CLMP: variants seen among roughly 807,000 people sequenced by gnomAD.
The protein encoded by CLMP is CXADR like cell adhesion molecule.
In CLMP, 27 loss-of-function variants were observed where a neutral mutation model predicts 45.2. That is an observed-to-expected ratio of 0.60 (90% CI 0.44 to 0.82). The LOEUF (loss-of-function observed/expected upper bound fraction) is 0.82. CLMP is among the 40% of genes least tolerant of loss of function. The pLI is 0.00. For missense variants in CLMP, 403 were observed against 448.4 expected, an observed-to-expected ratio of 0.90 and a Z score of 0.91; for synonymous variants, 167 against 171.4, an observed-to-expected ratio of 0.97 and a Z score of 0.20.
At chr11:123,139,506 A>G (rs11601147) in intron 1 of CLMP, among the ~76,000 whole-genome samples, 87,100 of 151,968 alleles carry the variant, frequency 0.57, 26,201 homozygotes, top group African/African-American at 0.76. Context: ...TCTAAGCTTC[A>G]GTGGTAACAT....
In CLMP at chr11:123,147,686, G is replaced by T. The variant is rs1297431699; in HGVS notation, c.28+47227C>A. ...AGAATGTCAGTGCCTGCAGGGTCAG[G>T]ACCATGTCCTTGACTGCATCTTCAG... On this transcript the variant is annotated intron_variant, in intron 1 of 6. Transcript: ENST00000448775. 2.0e-5 allele frequency among the ~76,000 whole-genome samples: 3 copies of T among 152,356 alleles called. No individual in the cohort carries two copies. In the South Asian group the frequency reaches 6.2e-4, roughly 32 times the overall value.
chr11:123,136,974 T>C (rs578259826), intron 1 of CLMP, among the ~76,000 whole-genome samples: 20 of 151,978 alleles, frequency 1.3e-4, no homozygotes, highest in Non-Finnish European at 2.4e-4. Flanking sequence ...GCTGCCAACA[T>C]AGGTAAACAA....
At chr11:123,090,778 T>C (rs1462985618) in intron 2 of CLMP, among the ~76,000 whole-genome samples, 3 of 152,144 alleles carry the variant, frequency 2.0e-5, no homozygotes, top group Admixed American at 6.6e-5. Context: ...CATGGCCCAA[T>C]AACGAGAAGC....
At chr11:123,118,935 T>TC (rs1860756076) in intron 1 of CLMP, among the ~76,000 whole-genome samples, 1 of 13,400 alleles carries the variant, frequency 7.5e-5, no homozygotes, top group Non-Finnish European at 1.6e-4. Context: ...TTTCTTTTCT[T>TC]TCTTTCTTTC....
In CLMP at chr11:123,100,074, CA is replaced by C. The variant is rs570296232; in HGVS notation, c.29-2123del. Among the ~76,000 whole-genome samples, 163 of 152,142 alleles carry C rather than the reference CA, an allele frequency of 1.1e-3. 1 individual carries two copies. The highest frequency in any genetic ancestry group is 3.8e-3 in the African/African-American group (156 of 41,526). ...TCTAAGAGGAGAAAGAAAAAGGATT[CA>C]AAAGCGAAGACTGGGCCCGGCACGG... is the stretch of plus-strand genomic sequence containing the variant. On this transcript the variant is annotated intron_variant, in intron 1 of 6. Coordinates refer to ENST00000448775, the MANE Select transcript of CLMP (RefSeq NM_024769.5).
At chr11:123,180,428 T>C (rs1861753972) in intron 1 of CLMP, among the ~76,000 whole-genome samples, 1 of 152,088 alleles carries the variant, frequency 6.6e-6, no homozygotes, top group African/African-American at 2.4e-5. Flanking sequence ...ACCACGTGGC[T>C]CTCTATGAAC....
chr11:123,149,689 T>A (rs1861285195), intron 1 of CLMP, among the ~76,000 whole-genome samples: 1 of 152,202 alleles, frequency 6.6e-6, no homozygotes, highest in East Asian at 1.9e-4. Flanking sequence ...CTGAGAACTT[T>A]GTGCATCCCT....
chr11:123,073,239 T>C lies in CLMP; in HGVS notation c.*235A>G. The C allele has an allele frequency of 2.2e-6, 1 of 448,864 alleles. No individual in the cohort carries two copies. The highest frequency in any genetic ancestry group is 3.9e-6 in the Non-Finnish European group (1 of 255,628). The allele number at this position is 448,864 out of a possible 1,614,324, so 27.8% of individuals were successfully genotyped here. ...ATAGATTTGGACTCCTGCTTTCCCT[T>C]ACTCTGGTCTAAAGGCACAATAAGA... On this transcript the variant is annotated 3_prime_UTR_variant, in exon 7 of 7. Transcript: ENST00000448775.
At position 123,192,497 on chromosome 11, in the gene CLMP, G is replaced by A. The variant is rs75654676; in HGVS notation, c.28+2416C>T. Reference sequence around the variant, plus strand: ...GTGCAGGATGGAGGAGAGAGGACAGGCAGGACAGGAACGTGGCAGCTACTA... The same window carrying A: ...GTGCAGGATGGAGGAGAGAGGACAGACAGGACAGGAACGTGGCAGCTACTA... On this transcript the variant is annotated intron_variant, in intron 1 of 6. Coordinates refer to ENST00000448775, the MANE Select transcript of CLMP (RefSeq NM_024769.5). 9.5e-3 allele frequency among the ~76,000 whole-genome samples: 1,442 copies of A among 152,260 alleles called. 27 individuals are homozygous for A. Among genetic ancestry groups the A allele is most frequent in the African/African-American group, 0.033 (1,388 of 41,530 alleles).
chr11:123,080,991 C>T (rs1269828441), intron 5 of CLMP, among the ~76,000 whole-genome samples: 1 of 151,728 alleles, frequency 6.6e-6, no homozygotes, highest in Non-Finnish European at 1.5e-5. Flanking sequence ...ACTAAAAATA[C>T]AAGAATTAGC....
At chr11:123,144,679 A>AT (rs112635472) in intron 1 of CLMP, among the ~76,000 whole-genome samples, 10,002 of 152,114 alleles carry the variant, frequency 0.066, 364 homozygotes, top group Middle Eastern at 0.11. Context: ...GGGGATAATG[A>AT]TTTTTTTTGG....
At position 123,084,632 on chromosome 11, in the gene CLMP, G is replaced by A. The variant is rs183962570; in HGVS notation, c.268C>T (p.Leu90=). The A allele has an allele frequency of 1.9e-6, 3 of 1,614,210 alleles. No homozygotes were observed. Among genetic ancestry groups the A allele is most frequent in the Non-Finnish European group, 2.5e-6 (3 of 1,180,034 alleles). ...ATCTGCAAGGAGGCATCTCCTGCCA[G>A]GAAATTGGAAGCAAAGGCCACTCGG... ...KGRVAFASNF[L]AGDASLQIEP... The change falls in exon 3 of 7, where the codon CTG becomes TTG. Residue 90 remains leucine (L), a synonymous_variant. Transcript: ENST00000448775.
Position 123,191,055 on chromosome 11 carries a change from A to T in CLMP, c.28+3858T>A, listed in dbSNP as rs1481437171. On this transcript the variant is annotated intron_variant, in intron 1 of 6. Coordinates refer to ENST00000448775, the MANE Select transcript of CLMP (RefSeq NM_024769.5). Reference sequence around the variant, plus strand: ...TCAGGAGGTCTCAATGAGGTCTTAAATATTATTGGCAAATTTGATGTATAC... The same window carrying T: ...TCAGGAGGTCTCAATGAGGTCTTAATTATTATTGGCAAATTTGATGTATAC... Among the ~76,000 whole-genome samples the T allele has an allele frequency of 2.6e-5, 4 of 152,214 alleles. No homozygotes were observed. The East Asian group carries it at 7.7e-4, about 29-fold the overall frequency.
At chr11:123,173,671 C>T (rs1861664208) in intron 1 of CLMP, among the ~76,000 whole-genome samples, 1 of 152,092 alleles carries the variant, frequency 6.6e-6, no homozygotes, top group Non-Finnish European at 1.5e-5. Flanking sequence ...AGTTAGTGTC[C>T]TTGTTTTGCA....
intron 1 of CLMP, among the ~76,000 whole-genome samples, chr11:123,125,760 C>T (rs893028409): frequency 4.0e-5 from 6 of 151,154 alleles, no homozygotes; most frequent in African/African-American, 9.7e-5. Flanking sequence ...TGTGCCACCA[C>T]GCCTGGCTAA....
At chr11:123,120,778 A>G (rs376673624) in intron 1 of CLMP, among the ~76,000 whole-genome samples, 46 of 152,210 alleles carry the variant, frequency 3.0e-4, no homozygotes, top group African/African-American at 1.1e-3. Flanking sequence ...CTTTGTTTCT[A>G]TTCGCTTTTC....
chr11:123,137,569 AG>A (rs1347828663), intron 1 of CLMP, among the ~76,000 whole-genome samples: 2 of 151,116 alleles, frequency 1.3e-5, no homozygotes, highest in East Asian at 4.0e-4. Flanking sequence ...AAGAGGTCTC[AG>A]GGTTAGGCTG....
At chr11:123,157,816 G>A (rs1257896224) in intron 1 of CLMP, among the ~76,000 whole-genome samples, 7 of 151,500 alleles carry the variant, frequency 4.6e-5, no homozygotes, top group South Asian at 2.1e-4. Flanking sequence ...AGCAGAGACC[G>A]GGACGCTGGT....
intron 1 of CLMP, among the ~76,000 whole-genome samples, chr11:123,173,567 A>T (rs996939720): frequency 1.6e-4 from 24 of 152,210 alleles, no homozygotes; most frequent in Admixed American, 5.9e-4. Flanking sequence ...GATTAAGGAA[A>T]AGAGCACAGG....
Sources: gnomAD v4.1 joint callset for allele counts (sites outside exome capture counted in the v4.1 genomes callset) on GRCh38, gnomAD v4.1.1 for gene constraint, MANE v1.5 for transcripts, NCBI Gene and HGNC (gene_info 2026-07-23, HGNC 2026-07-21) for gene names.